Variants in DHDDS observed in about 807,000 individuals in gnomAD.
DHDDS encodes dehydrodolichyl diphosphate synthase subunit, also known as dehydrodolichyl diphosphate synthase complex subunit DHDDS.
Under a neutral mutation model 46.2 loss-of-function variants are expected in DHDDS, and 16 were observed. The observed-to-expected ratio is 0.35, with a 90% CI of 0.23 to 0.53. The LOEUF (loss-of-function observed/expected upper bound fraction) is 0.53, where lower values mean the gene tolerates loss of function less well. DHDDS is among the 20% of genes least tolerant of loss of function. The pLI, the probability that DHDDS is intolerant of heterozygous loss-of-function variation, is 0.94. For synonymous variants in DHDDS, 151 were observed against 163.1 expected, an observed-to-expected ratio of 0.93 and a Z score of 0.56; for missense variants, 340 against 423.7, an observed-to-expected ratio of 0.80 and a Z score of 1.73.
intron 6 of DHDDS, among the ~76,000 whole-genome samples, chr1:26,453,694 C>T (rs2075342851): frequency 6.6e-6 from 1 of 152,156 alleles, no homozygotes; most frequent in Non-Finnish European, 1.5e-5. Flanking sequence ...GCTGAGGCTG[C>T]AGTGAGCCAA....
intron 8 of DHDDS, among the ~76,000 whole-genome samples, chr1:26,465,193 T>A: frequency 6.6e-6 from 1 of 152,156 alleles, no homozygotes; most frequent in Admixed American, 6.5e-5. Context: ...GTTCACCTCA[T>A]CTCCAAGGAT....
At chr1:26,437,887 G>A (rs1040461158) in intron 2 of DHDDS, among the ~76,000 whole-genome samples, 4 of 151,746 alleles carry the variant, frequency 2.6e-5, no homozygotes, top group Non-Finnish European at 5.9e-5. Context: ...AGGCAGAGGT[G>A]GGAGGATCAC....
intron 3 of DHDDS, among the ~76,000 whole-genome samples, chr1:26,440,000 C>T (rs2075202430): frequency 6.8e-6 from 1 of 147,274 alleles, no homozygotes; most frequent in Non-Finnish European, 1.5e-5. Context: ...GTTAGCCGGG[C>T]GTGGTGGCGG....
At position 26,469,013 on chromosome 1, in the gene DHDDS, G is replaced by A. The variant is rs756507458; in HGVS notation, c.884G>A (p.Arg295Gln). The change falls in exon 9 of 9, where the codon CGA (arginine) becomes CAA (glutamine). Residue 295 changes from arginine (R) to glutamine (Q), a missense_variant. By Grantham distance (43) the Arg-to-Gln change is conservative. This residue lies in a region of DHDDS where 268 missense variants were observed against 300.3 expected (regional missense o/e 0.89). Transcript: ENST00000236342. The part of the protein sequence containing the change: ...GLQASGDAQL[R>Q]RTRLHKLSAR... ...CAAGCCAGTGGGGACGCCCAGCTCC[G>A]AAGGACACGCTTGCACAAACTCTCG... is the stretch of plus-strand genomic sequence containing the variant. 23 of 1,614,008 alleles carry A rather than the reference G, an allele frequency of 1.4e-5. No individual in the cohort carries two copies. The highest frequency in any genetic ancestry group is 9.3e-5 in the African/African-American group (7 of 74,934).
chr1:26,451,404 A>ATATGTGTGTG (rs1491347308), intron 6 of DHDDS, among the ~76,000 whole-genome samples: 3 of 135,954 alleles, frequency 2.2e-5, no homozygotes, highest in Admixed American at 7.3e-5. Flanking sequence ...ATGTATGTAG[A>ATATGTGTGTG]TGTGTGTGTG....
rs530689633 is a variant in DHDDS at position 26,438,989 on chromosome 1, G to C, written c.180+705G>C. Among the ~76,000 whole-genome samples, 101 of 152,164 alleles carry C rather than the reference G, an allele frequency of 6.6e-4. 1 individual carries two copies. The highest frequency in any genetic ancestry group is 8.2e-4 in the Non-Finnish European group (56 of 68,032). ...ACTCTGTTGCCCAGGCCAGAGTACA[G>C]TGCATGATCTCTGCTCACGGCAACC... is the stretch of plus-strand genomic sequence containing the variant. On this transcript the variant is annotated intron_variant, in intron 3 of 8. Coordinates refer to ENST00000236342, the MANE Select transcript of DHDDS (RefSeq NM_205861.3).
intron 8 of DHDDS, among the ~76,000 whole-genome samples, chr1:26,460,757 A>G (rs2075414116): frequency 6.6e-6 from 1 of 152,142 alleles, no homozygotes; most frequent in Non-Finnish European, 1.5e-5. Flanking sequence ...GATTTCATGT[A>G]AGTTTTCTTA....
chr1:26,446,528 T>C (rs887019070), intron 5 of DHDDS, 96 bp downstream of exon 5: 7 of 1,157,204 alleles, frequency 6.0e-6, no homozygotes, highest in Non-Finnish European at 5.2e-6. Flanking sequence ...TCTGGATTGG[T>C]GCAAGGGGCA....
rs1056282696 is a variant in DHDDS, at chr1:26,464,902, A to C, written c.766-3993A>C. Among the ~76,000 whole-genome samples the C allele has an allele frequency of 2.6e-5, 4 of 152,276 alleles. No homozygotes were observed. In the East Asian group the frequency reaches 7.7e-4, roughly 29 times the overall value. ...TTACTGAGAGGAAGGCAGCGGGTGGATCGTAAGGGAAGCAGGGACTTGGCT... is the reference window on the plus strand; with the variant it reads ...TTACTGAGAGGAAGGCAGCGGGTGGCTCGTAAGGGAAGCAGGGACTTGGCT... On this transcript the variant is annotated intron_variant, in intron 8 of 8. Coordinates refer to ENST00000236342, the MANE Select transcript of DHDDS (RefSeq NM_205861.3).
rs1557455285 is a variant in DHDDS, at chr1:26,468,944, G to T, written c.815G>T (p.Arg272Met). 1 of 1,614,026 alleles carries T rather than the reference G, an allele frequency of 6.2e-7. No individual in the cohort carries two copies. Among genetic ancestry groups the T allele is most frequent in the Non-Finnish European group, 8.5e-7 (1 of 1,180,042 alleles). ...AEERKRQQLE[R>M]DQATVTEQLL... Reference sequence around the variant, plus strand: ...GAGCGGAAGAGGCAGCAGCTGGAGAGGGACCAGGCTACAGTGACAGAGCAG... The same window carrying T: ...GAGCGGAAGAGGCAGCAGCTGGAGATGGACCAGGCTACAGTGACAGAGCAG... The change falls in exon 9 of 9, where the codon AGG becomes ATG. Residue 272 changes from arginine to methionine, a missense_variant. Coordinates refer to ENST00000236342, the MANE Select transcript of DHDDS (RefSeq NM_205861.3).
intron 6 of DHDDS, among the ~76,000 whole-genome samples, chr1:26,450,229 C>T (rs2075306732): frequency 6.6e-6 from 1 of 152,196 alleles, no homozygotes; most frequent in Non-Finnish European, 1.5e-5. Context: ...AATCAAAGCT[C>T]ACTGAAGCTT....
chr1:26,448,088 AGT>A (rs2075286546), intron 6 of DHDDS: 1 of 279,550 alleles, frequency 3.6e-6, no homozygotes, highest in African/African-American at 2.2e-5. Flanking sequence ...GCCCTTTGGT[AGT>A]GTTTTTCCAA....
chr1:26,440,091 G>A (rs2075203547), intron 3 of DHDDS, among the ~76,000 whole-genome samples: 2 of 152,196 alleles, frequency 1.3e-5, no homozygotes, highest in Admixed American at 1.3e-4. Flanking sequence ...AGTGAGCCAA[G>A]ATTGTGCCAC....
intron 7 of DHDDS, 58 bp from the exon 8 acceptor site, chr1:26,459,979 C>G: frequency 7.1e-7 from 1 of 1,412,490 alleles, no homozygotes; most frequent in South Asian, 1.2e-5. Flanking sequence ...GAGGACTGAC[C>G]AGGGATGCGG....
In DHDDS at chr1:26,457,836, C is replaced by T; in HGVS notation, c.588C>T (p.Arg196=). ...TTGATAAGTGCCTCTATACCAACCG[C>T]TCTCCTCATCCTGACATCTTGATAC... The part of the protein sequence containing the change: ...SLLDKCLYTN[R]SPHPDILIRT... The change falls in exon 7 of 9, where the codon CGC becomes CGT. Residue 196 remains arginine, a synonymous_variant. Transcript: ENST00000236342. 6.2e-7 allele frequency: 1 copy of T among 1,614,032 alleles called. No individual in the cohort carries two copies. The highest frequency in any genetic ancestry group is 1.1e-5 in the South Asian group (1 of 91,078).
At chr1:26,437,537 C>G (rs886253947) in intron 2 of DHDDS, among the ~76,000 whole-genome samples, 2 of 151,416 alleles carry the variant, frequency 1.3e-5, no homozygotes, top group African/African-American at 4.8e-5. Flanking sequence ...GTGGCACGAT[C>G]TCAACTGACT....
chr1:26,451,383 T>A (rs2075317268), intron 6 of DHDDS, among the ~76,000 whole-genome samples: 1 of 151,856 alleles, frequency 6.6e-6, no homozygotes, highest in African/African-American at 2.4e-5. Context: ...CATTTTTCTT[T>A]CTTCCAGGGT....
At chr1:26,458,020 TG>T in intron 7 of DHDDS, 115 bp downstream of exon 7, 2 of 855,968 alleles carry the variant, frequency 2.3e-6, no homozygotes, top group Non-Finnish European at 3.9e-6. Flanking sequence ...AGAGTACTTC[TG>T]GGGAAAGCTA....
intron 8 of DHDDS, chr1:26,463,350 C>T (rs1482514976): frequency 6.6e-6 from 1 of 152,116 alleles, no homozygotes; most frequent in Non-Finnish European, 1.5e-5. Flanking sequence ...TATAACTCCC[C>T]AGAGAAAGGA....
Sources: allele counts gnomAD v4.1 joint callset (sites outside exome capture counted in the v4.1 genomes callset), GRCh38; gene constraint gnomAD v4.1.1; regional missense constraint gnomAD v4.1.1; transcripts MANE v1.5; gene names NCBI Gene and HGNC (gene_info 2026-07-23, HGNC 2026-07-21).